Variants in NUP188 observed in about 807,000 individuals in gnomAD.
The protein encoded by NUP188 is nucleoporin NUP188.
NUP188 carries 97 observed loss-of-function variants against 223.0 expected under a neutral mutation model. The observed-to-expected ratio is 0.43, with a 90% CI of 0.37 to 0.51. The LOEUF (loss-of-function observed/expected upper bound fraction) is 0.51. Ranked by LOEUF, NUP188 falls within the 20% of genes least tolerant of loss-of-function variation. NUP188 has a pLI of 0.00. For synonymous variants in NUP188, 869 were observed against 828.0 expected (o/e 1.05, Z -0.85); for missense variants, 1,947 against 2,175.6 (o/e 0.89, Z 2.09).
chr9:128,987,334 C>T (rs762931593), intron 22 of NUP188, among the ~76,000 whole-genome samples: 2 of 152,056 alleles, frequency 1.3e-5, no homozygotes, highest in Non-Finnish European at 2.9e-5. Context: ...CTATGCATTC[C>T]ATCATATGGA....
chr9:129,001,490 T>C (rs764419283), intron 34 of NUP188, 39 bp from the exon 35 acceptor site: 20 of 1,592,428 alleles, frequency 1.3e-5, no homozygotes, highest in South Asian at 2.2e-5. Context: ...CCTCCTCCTC[T>C]TCTTCTTCCC....
chr9:128,971,026 T>C, intron 11 of NUP188, 68 bp downstream of exon 11: 3 of 1,227,122 alleles, frequency 2.4e-6, no homozygotes, highest in Non-Finnish European at 3.6e-6. Context: ...AATGTAATAG[T>C]TATAATGGTG....
intron 12 of NUP188, among the ~76,000 whole-genome samples, chr9:128,973,632 C>T (rs1005898490): frequency 6.6e-6 from 1 of 152,202 alleles, no homozygotes; most frequent in African/African-American, 2.4e-5. Flanking sequence ...ATCCGCCTGC[C>T]TCGGCCTCCC....
At position 128,980,671 on chromosome 9, in the gene NUP188, C is replaced by T; in HGVS notation, c.1335C>T (p.Ser445=). 1 of 1,614,140 alleles carries T rather than the reference C, an allele frequency of 6.2e-7. No individual in the cohort carries two copies. Among genetic ancestry groups the T allele is most frequent in the Non-Finnish European group, 8.5e-7 (1 of 1,180,012 alleles). The change falls in exon 14 of 44, where the codon TCC becomes TCT. Residue 445 remains serine (S), a synonymous_variant. Coordinates refer to ENST00000372577, the MANE Select transcript of NUP188 (RefSeq NM_015354.3). The part of the protein sequence containing the change: ...SVCGMFPHLL[S]PLLQLLRALV... ...GTGGAATGTTTCCCCACCTTCTCTC[C>T]CCACTCCTGCAACTGCTCCGAGCCC...
At chr9:128,983,777 G>A (rs530058508) in intron 19 of NUP188, among the ~76,000 whole-genome samples, 170 of 151,524 alleles carry the variant, frequency 1.1e-3, no homozygotes, top group African/African-American at 3.9e-3. Context: ...TTATAGGCTC[G>A]AGCCACCACG....
intron 12 of NUP188, among the ~76,000 whole-genome samples, chr9:128,978,338 C>T (rs1348242371): frequency 6.6e-5 from 10 of 151,702 alleles, no homozygotes; most frequent in Admixed American, 3.3e-4. Flanking sequence ...CTGAGGCGGG[C>T]GGATCACGAG....
At chr9:129,004,335 G>A (rs1842735840) in intron 38 of NUP188, among the ~76,000 whole-genome samples, 1 of 151,858 alleles carries the variant, frequency 6.6e-6, no homozygotes, top group African/African-American at 2.4e-5. Context: ...ACACACAACT[G>A]GAGCTGGGAA....
At chr9:128,949,110 A>C (rs1169815388) in intron 1 of NUP188, 79 bp from the exon 2 acceptor site, 2 of 1,024,156 alleles carry the variant, frequency 2.0e-6, no homozygotes, top group African/African-American at 3.2e-5. Context: ...TTTAGAGAGC[A>C]GACAAAATGG....
chr9:129,002,742 G>A, intron 36 of NUP188, 75 bp from the exon 37 acceptor site: 2 of 1,487,378 alleles, frequency 1.3e-6, no homozygotes, highest in Non-Finnish European at 1.8e-6. Flanking sequence ...CAGCTGGGCT[G>A]CCTTAGTTGC....
chr9:128,969,049 C>T (rs1202222210), intron 9 of NUP188, among the ~76,000 whole-genome samples: 1 of 152,184 alleles, frequency 6.6e-6, no homozygotes, highest in African/African-American at 2.4e-5. Context: ...TTGCTCTTCT[C>T]TTTCAGGTGA....
intron 2 of NUP188, among the ~76,000 whole-genome samples, chr9:128,949,996 C>T (rs1387405302): frequency 6.9e-6 from 1 of 145,740 alleles, no homozygotes; most frequent in Non-Finnish European, 1.5e-5. Context: ...GATCTTGGCT[C>T]ACTTCAACCT....
At chr9:128,987,086 AGAGTGTGTGTGTGT>A (rs1385712876) in intron 22 of NUP188, among the ~76,000 whole-genome samples, 3 of 128,422 alleles carry the variant, frequency 2.3e-5, no homozygotes, top group South Asian at 2.7e-4. Context: ...AGAGAGAGAG[AGAGTGTGTGTGTGT>A]GTGTGTGTGT....
chr9:128,997,243 C>A (rs1049720292), intron 30 of NUP188, among the ~76,000 whole-genome samples: 3 of 152,070 alleles, frequency 2.0e-5, no homozygotes, highest in Admixed American at 6.6e-5. Flanking sequence ...TTGATATGTT[C>A]ATGAAAGAGG....
At chr9:128,966,957 G>A (rs1842038390) in intron 8 of NUP188, among the ~76,000 whole-genome samples, 1 of 152,106 alleles carries the variant, frequency 6.6e-6, no homozygotes, top group Admixed American at 6.5e-5. Context: ...ATAATCTATG[G>A]CATATCCACA....
chr9:128,984,812 C>T, intron 19 of NUP188, 88 bp from the exon 20 acceptor site: 1 of 824,372 alleles, frequency 1.2e-6, no homozygotes, highest in Non-Finnish European at 2.0e-6. Context: ...TTCAAGTCAT[C>T]TAGACTATAA....
chr9:128,962,227 A>G (rs1304029047), intron 8 of NUP188, among the ~76,000 whole-genome samples: 20 of 146,192 alleles, frequency 1.4e-4, no homozygotes, highest in Non-Finnish European at 2.2e-4. Context: ...GAGCCATTGC[A>G]CCTGACCAAC....
chr9:128,987,790 G>T, intron 23 of NUP188, 73 bp downstream of exon 23: 1 of 1,557,238 alleles, frequency 6.4e-7, no homozygotes. Context: ...TCCAGTTTAA[G>T]TTAACTTGCA....
At position 128,982,783 on chromosome 9, in the gene NUP188, TA is replaced by T. The variant is rs1331610412; in HGVS notation, c.1669+86del. The T allele has an allele frequency of 1.2e-5, 19 of 1,587,408 alleles. No individual in the cohort carries two copies. The African/African-American group carries it at 2.3e-4, about 19-fold the overall frequency. On this transcript the variant is annotated intron_variant, in intron 16 of 43. Coordinates refer to ENST00000372577, the MANE Select transcript of NUP188 (RefSeq NM_015354.3). The stretch of plus-strand genomic sequence containing the variant: ...GGATTTAGAAAATAGAATATCTACA[TA>T]AAATTTAGAACCATCAAGATTGTGA...
intron 31 of NUP188, 106 bp from the exon 32 acceptor site, chr9:128,998,432 C>A: frequency 9.0e-7 from 1 of 1,112,214 alleles, no homozygotes; most frequent in Non-Finnish European, 1.4e-6. Flanking sequence ...CACTCCACTC[C>A]TGTGAGCTCA....
Sources: allele counts gnomAD v4.1 joint callset (sites outside exome capture counted in the v4.1 genomes callset), GRCh38; gene constraint gnomAD v4.1.1; transcripts MANE v1.5; gene names NCBI Gene and HGNC (gene_info 2026-07-23, HGNC 2026-07-21).